The following RBFOX1 variants were observed in gnomAD, a reference collection of about 807,000 sequenced individuals.
The protein encoded by RBFOX1 is RNA binding protein fox-1 homolog 1.
Under a neutral mutation model 57.7 loss-of-function variants are expected in RBFOX1, and 8 were observed. The observed-to-expected ratio is 0.14, with a 90% CI of 0.08 to 0.25. RBFOX1 has a LOEUF of 0.25. RBFOX1 is among the 10% of genes least tolerant of loss of function. The pLI is 1.00. For synonymous variants in RBFOX1, 326 were observed against 222.4 expected (o/e 1.47, Z -4.15); for missense variants, 611 against 548.5 (o/e 1.11, Z -1.14).
chr16:7,285,537 C>G (rs1489779960), intron 4 of RBFOX1, among the ~76,000 whole-genome samples: 1 of 151,846 alleles, frequency 6.6e-6, no homozygotes, highest in Non-Finnish European at 1.5e-5. Flanking sequence ...TTTTTACAAC[C>G]ACCCCCGCCC....
At position 6,441,322 on chromosome 16, in the gene RBFOX1, T is replaced by C. The variant is rs188266697; in HGVS notation, c.-64+124265T>C. On this transcript the variant is annotated intron_variant, in intron 2 of 15. Coordinates refer to ENST00000550418, the MANE Select transcript of RBFOX1 (RefSeq NM_018723.4). ...CTAAGGGAACGAGCTCTCTCCTGTG[T>C]ACATAGCTTCCCCTAAAGTCCTCTG... is the stretch of plus-strand genomic sequence containing the variant. 1.5e-4 allele frequency among the ~76,000 whole-genome samples: 23 copies of C among 152,344 alleles called. No individual in the cohort carries two copies. In the East Asian group the frequency reaches 4.4e-3, roughly 29 times the overall value.
chr16:6,444,172 A>G (rs1428668131), intron 2 of RBFOX1, among the ~76,000 whole-genome samples: 1 of 152,028 alleles, frequency 6.6e-6, no homozygotes, highest in African/African-American at 2.4e-5. Flanking sequence ...GTGTTTCTTT[A>G]CTTGGTTTTG....
At chr16:5,526,115 C>T (rs1166705027) in intron 2 of RBFOX1, among the ~76,000 whole-genome samples, 1 of 152,088 alleles carries the variant, frequency 6.6e-6, no homozygotes, top group Non-Finnish European at 1.5e-5. Context: ...TCTCAGCCTC[C>T]TTGGCTGCTC....
intron 2 of RBFOX1, among the ~76,000 whole-genome samples, chr16:5,506,838 C>G (rs1182890031): frequency 1.3e-5 from 2 of 152,110 alleles, no homozygotes; most frequent in Admixed American, 6.5e-5. Flanking sequence ...GGGGTCTAAA[C>G]TCTTCTCCAG....
chr16:5,526,345 A>G (rs908550605), intron 2 of RBFOX1, among the ~76,000 whole-genome samples: 18 of 152,040 alleles, frequency 1.2e-4, no homozygotes, highest in Non-Finnish European at 2.5e-4. Context: ...CTGGAGTGCA[A>G]TGGCACAATC....
At chr16:6,337,109 A>T (rs2083875263) in intron 2 of RBFOX1, among the ~76,000 whole-genome samples, 2 of 152,154 alleles carry the variant, frequency 1.3e-5, no homozygotes, top group Non-Finnish European at 2.9e-5. Context: ...ATTTCCATGG[A>T]GGGAGTCTAT....
rs537848882 is a variant in RBFOX1 at position 6,805,041 on chromosome 16, G to A, written c.-16+150391G>A. Among the ~76,000 whole-genome samples, 4 of 152,236 alleles carry A rather than the reference G, an allele frequency of 2.6e-5. No homozygotes were observed. In the East Asian group the frequency reaches 7.7e-4, roughly 29 times the overall value. On this transcript the variant is annotated intron_variant, in intron 3 of 15. Coordinates refer to ENST00000550418, the MANE Select transcript of RBFOX1 (RefSeq NM_018723.4). ...TTTGACCTACCAGTCCCATTACTGG[G>A]TTTATATGCAGAGGAATATAAATTA...
intron 3 of RBFOX1, among the ~76,000 whole-genome samples, chr16:7,021,908 C>A (rs930003522): frequency 6.7e-6 from 1 of 149,286 alleles, no homozygotes; most frequent in African/African-American, 2.5e-5. Flanking sequence ...TTCTTTCTTT[C>A]TTTCTTTTCT....
At chr16:6,870,974 G>A (rs1477614924) in intron 3 of RBFOX1, among the ~76,000 whole-genome samples, 1 of 152,216 alleles carries the variant, frequency 6.6e-6, no homozygotes, top group Non-Finnish European at 1.5e-5. Flanking sequence ...CTGGATGTAA[G>A]TGGATGAAGC....
At chr16:6,675,065 C>G (rs1232081914) in intron 3 of RBFOX1, among the ~76,000 whole-genome samples, 3 of 151,994 alleles carry the variant, frequency 2.0e-5, no homozygotes, top group Non-Finnish European at 4.4e-5. Flanking sequence ...GCCACCACAC[C>G]CACTAATTTT....
intron 2 of RBFOX1, among the ~76,000 whole-genome samples, chr16:6,394,000 G>A (rs969651206): frequency 4.6e-5 from 7 of 152,118 alleles, no homozygotes; most frequent in Non-Finnish European, 1.0e-4. Context: ...TTTTCATTTT[G>A]GAAACTGTTT....
intron 1 of RBFOX1, among the ~76,000 whole-genome samples, chr16:6,219,104 T>G (rs1331297005): frequency 6.6e-6 from 1 of 152,122 alleles, no homozygotes; most frequent in Non-Finnish European, 1.5e-5. Flanking sequence ...AAGTGTAAAT[T>G]GAGAGCAAAG....
At chr16:5,243,840 A>G (rs1004837838) in intron 1 of RBFOX1, among the ~76,000 whole-genome samples, 4 of 152,186 alleles carry the variant, frequency 2.6e-5, no homozygotes, top group African/African-American at 7.2e-5. Context: ...GGAAGGTTAT[A>G]TGGGATTTAC....
intron 3 of RBFOX1, among the ~76,000 whole-genome samples, chr16:6,984,933 A>T (rs1384201438): frequency 1.3e-5 from 2 of 152,020 alleles, no homozygotes; most frequent in Non-Finnish European, 2.9e-5. Flanking sequence ...GAGACATTGC[A>T]CCCGGTACCT....
intron 1 of RBFOX1, among the ~76,000 whole-genome samples, chr16:6,184,345 G>A (rs9937558): frequency 0.33 from 49,649 of 151,964 alleles, 8,245 homozygotes; most frequent in Middle Eastern, 0.43. Context: ...GTGGAGAATA[G>A]GTGTGGGAAA....
chr16:6,245,926 T>G (rs2152934698), intron 1 of RBFOX1, among the ~76,000 whole-genome samples: 1 of 152,340 alleles, frequency 6.6e-6, no homozygotes, highest in East Asian at 1.9e-4. Flanking sequence ...TTAAGCTCTC[T>G]TAAGCCTACT....
intron 3 of RBFOX1, among the ~76,000 whole-genome samples, chr16:5,704,079 C>T (rs1461408301): frequency 3.9e-5 from 6 of 152,038 alleles, no homozygotes; most frequent in African/African-American, 1.4e-4. Flanking sequence ...GTTCTTATTA[C>T]CCACCTTGAA....
chr16:7,705,789 G>C (rs929461674), intron 14 of RBFOX1, among the ~76,000 whole-genome samples: 2 of 152,182 alleles, frequency 1.3e-5, no homozygotes, highest in Admixed American at 6.5e-5. Context: ...TTGAGTTGGT[G>C]TTGATGAACT....
At chr16:5,404,332 G>C (rs1392565213) in intron 1 of RBFOX1, among the ~76,000 whole-genome samples, 1 of 152,096 alleles carries the variant, frequency 6.6e-6, no homozygotes, top group Non-Finnish European at 1.5e-5. Flanking sequence ...TGGGAGCATT[G>C]AACCTTATCG....
Sources: allele counts gnomAD v4.1 joint callset (sites outside exome capture counted in the v4.1 genomes callset), GRCh38; gene constraint gnomAD v4.1.1; transcripts MANE v1.5; gene names NCBI Gene and HGNC (gene_info 2026-07-23, HGNC 2026-07-21).